Variants in CFDP1 observed in about 807,000 individuals in gnomAD.
CFDP1 encodes the protein heterochromatin-stabilizing protein CFDP1.
A neutral mutation model predicts 40.1 loss-of-function variants in CFDP1; 31 were observed. The observed-to-expected ratio is 0.77, with a 90% CI of 0.58 to 1.04. The LOEUF is 1.04. CFDP1 is among the 50% of genes least tolerant of loss of function. The pLI, the probability that CFDP1 is intolerant of heterozygous loss-of-function variation, is 0.00. For synonymous variants in CFDP1, 167 were observed against 120.0 expected, an observed-to-expected ratio of 1.39 and a Z score of -2.56; for missense variants, 423 against 343.4, an observed-to-expected ratio of 1.23 and a Z score of -1.83.
chr16:75,424,122 CCT>C (rs1267021504), intron 1 of CFDP1, among the ~76,000 whole-genome samples: 1 of 152,104 alleles, frequency 6.6e-6, no homozygotes, highest in Non-Finnish European at 1.5e-5. Flanking sequence ...ACAAAATTCA[CCT>C]CTCTGAAAAT....
At chr16:75,348,873 T>C (rs1286011529) in intron 5 of CFDP1, among the ~76,000 whole-genome samples, 1 of 152,182 alleles carries the variant, frequency 6.6e-6, no homozygotes, top group Non-Finnish European at 1.5e-5. Flanking sequence ...CCATTTAATT[T>C]TTGTTTTCAG....
At chr16:75,354,042 A>C (rs1333306021) in intron 5 of CFDP1, among the ~76,000 whole-genome samples, 1 of 152,170 alleles carries the variant, frequency 6.6e-6, no homozygotes, top group Non-Finnish European at 1.5e-5. Flanking sequence ...CTGAGTACCC[A>C]TACGCCCATT....
intron 5 of CFDP1, among the ~76,000 whole-genome samples, chr16:75,388,058 G>C (rs531982828): frequency 6.6e-6 from 1 of 152,198 alleles, no homozygotes; most frequent in Non-Finnish European, 1.5e-5. Flanking sequence ...AGTGGCAATG[G>C]CAAAGTGGCT....
At chr16:75,346,154 G>T (rs950358513) in intron 5 of CFDP1, among the ~76,000 whole-genome samples, 1 of 152,206 alleles carries the variant, frequency 6.6e-6, no homozygotes, top group Non-Finnish European at 1.5e-5. Context: ...CATGTGAAGT[G>T]AAAGTAACAG....
intron 1 of CFDP1, among the ~76,000 whole-genome samples, chr16:75,427,990 T>C (rs1191710963): frequency 6.6e-6 from 1 of 152,106 alleles, no homozygotes; most frequent in Non-Finnish European, 1.5e-5. Flanking sequence ...TACAAAAAGC[T>C]GCCTACTGTT....
At chr16:75,379,728 T>C (rs896547416) in intron 5 of CFDP1, 2 of 152,198 alleles carry the variant, frequency 1.3e-5, no homozygotes, top group Non-Finnish European at 2.9e-5. Context: ...TATTATAAGA[T>C]GGTACCATAG....
rs1257015678 is a variant in CFDP1 at position 75,294,032 on chromosome 16, G to A, written c.820C>T (p.Arg274Trp). 1.9e-6 allele frequency: 3 copies of A among 1,613,104 alleles called. No homozygotes were observed. The highest frequency in any genetic ancestry group is 2.7e-5 in the African/African-American group (2 of 75,024). ...TCCACTCGGTCAAGGAAGGCTTTCC[G>A]TTCAATGTACCTAGAAGATGAAAAC... is the stretch of plus-strand genomic sequence containing the variant. ...HNRGKEGYIE[R>W]KAFLDRVDHR... Residue 274 changes from arginine to tryptophan, a missense_variant, in exon 7 of 7, where the codon CGG becomes TGG. Arg to Trp is a moderately radical substitution (Grantham distance 101). Transcript: ENST00000283882.
intron 5 of CFDP1, among the ~76,000 whole-genome samples, chr16:75,390,534 T>C (rs2078939032): frequency 6.6e-6 from 1 of 152,208 alleles, no homozygotes; most frequent in Non-Finnish European, 1.5e-5. Context: ...CCAGCTGTCT[T>C]TGCTGTATTC....
In CFDP1 at chr16:75,359,020, A is replaced by G. The variant is rs556973649; in HGVS notation, c.650+36070T>C. Among the ~76,000 whole-genome samples, 419 of 152,358 alleles carry G rather than the reference A, an allele frequency of 2.8e-3. 7 individuals carry two copies. The highest frequency in any genetic ancestry group is 9.4e-3 in the African/African-American group (391 of 41,580). Reference sequence around the variant, plus strand: ...CACAAAAGGATAACCAAAATTATCAAAACAGCTAGTAAAATACTCCTTCCT... The same window carrying G: ...CACAAAAGGATAACCAAAATTATCAGAACAGCTAGTAAAATACTCCTTCCT... On this transcript the variant is annotated intron_variant, in intron 5 of 6. Coordinates refer to ENST00000283882, the MANE Select transcript of CFDP1 (RefSeq NM_006324.3).
intron 4 of CFDP1, among the ~76,000 whole-genome samples, chr16:75,397,521 G>A (rs1337508060): frequency 1.3e-5 from 2 of 149,848 alleles, no homozygotes; most frequent in African/African-American, 4.9e-5. Context: ...GAAAACAACA[G>A]GCCGGGGGCA....
chr16:75,349,650 CAAAAAAAAAAAAAAA>C (rs61472076), intron 5 of CFDP1, among the ~76,000 whole-genome samples: 644 of 23,246 alleles, frequency 0.028, 12 homozygotes, highest in South Asian at 0.09. Context: ...GACTCCGTCT[CAAAAAAAAAAAAAAA>C]AAAAAAAAAA....
chr16:75,408,733 C>T (rs558396754), intron 4 of CFDP1, among the ~76,000 whole-genome samples: 10 of 151,714 alleles, frequency 6.6e-5, no homozygotes, highest in Non-Finnish European at 1.3e-4. Flanking sequence ...CGAGATCATG[C>T]CACTGTACTC....
chr16:75,354,247 T>C (rs1466557049), intron 5 of CFDP1, among the ~76,000 whole-genome samples: 11 of 152,356 alleles, frequency 7.2e-5, no homozygotes, highest in Admixed American at 7.2e-4. Context: ...CAACGTATAT[T>C]TTCAACTTAC....
intron 5 of CFDP1, among the ~76,000 whole-genome samples, chr16:75,361,156 C>T (rs1250654476): frequency 1.3e-5 from 2 of 152,024 alleles, no homozygotes; most frequent in Non-Finnish European, 2.9e-5. Flanking sequence ...AATACAGGCA[C>T]GCACCACCAC....
At chr16:75,313,352 C>T (rs960215383) in intron 5 of CFDP1, among the ~76,000 whole-genome samples, 2 of 152,078 alleles carry the variant, frequency 1.3e-5, no homozygotes, top group Admixed American at 6.5e-5. Flanking sequence ...GTTTTTTTGA[C>T]AGGGTCTCGC....
chr16:75,353,190 G>C lies in CFDP1; in HGVS notation c.650+41900C>G, dbSNP rs149664152. ...CAACTGCCATGTATAGACCTTACTG[G>C]ATCCAAACAAACTGTAAACAATTAA... On this transcript the variant is annotated intron_variant, in intron 5 of 6. Coordinates refer to ENST00000283882, the MANE Select transcript of CFDP1 (RefSeq NM_006324.3). Among the ~76,000 whole-genome samples the C allele has an allele frequency of 2.1e-4, 32 of 152,240 alleles. No individual in the cohort carries two copies. The East Asian group carries it at 5.4e-3, about 26-fold the overall frequency.
At position 75,357,865 on chromosome 16, in the gene CFDP1, CCTAG is replaced by C. The variant is rs577034492; in HGVS notation, c.650+37221_650+37224del. ...TTGGCTAACTGTTTGGTACAAGAGG[CCTAG>C]CTTTTAGCCTGTCTTGGCTTTCAAC... On this transcript the variant is annotated intron_variant, in intron 5 of 6. Transcript: ENST00000283882. Among the ~76,000 whole-genome samples, 12 of 152,310 alleles carry C rather than the reference CCTAG, an allele frequency of 7.9e-5. No individual in the cohort carries two copies. In the South Asian group the frequency reaches 2.5e-3, roughly 32 times the overall value.
intron 5 of CFDP1, among the ~76,000 whole-genome samples, chr16:75,378,707 G>T (rs1567662935): frequency 6.6e-6 from 1 of 152,106 alleles, no homozygotes; most frequent in Non-Finnish European, 1.5e-5. Context: ...TTGCAAAGGG[G>T]TAGTAGTTAG....
chr16:75,348,889 G>C lies in CFDP1; in HGVS notation c.651-43707C>G, dbSNP rs577113605. Among the ~76,000 whole-genome samples the C allele has an allele frequency of 2.6e-5, 4 of 152,240 alleles. No homozygotes were observed. In the South Asian group the frequency reaches 8.3e-4, roughly 32 times the overall value. ...CATTTAATTTTTGTTTTCAGAGACAGGGTCTTGCTGTCTGCCACCCAGGCT... is the reference window on the plus strand; with the variant it reads ...CATTTAATTTTTGTTTTCAGAGACACGGTCTTGCTGTCTGCCACCCAGGCT... On this transcript the variant is annotated intron_variant, in intron 5 of 6. Transcript: ENST00000283882.
Sources: allele counts gnomAD v4.1 joint callset (sites outside exome capture counted in the v4.1 genomes callset), GRCh38; gene constraint gnomAD v4.1.1; transcripts MANE v1.5; gene names NCBI Gene and HGNC (gene_info 2026-07-23, HGNC 2026-07-21).